The following DHX57 variants were observed in gnomAD, a reference collection of about 807,000 sequenced individuals.
The protein encoded by DHX57 is putative ATP-dependent RNA helicase DHX57.
A neutral mutation model predicts 156.2 loss-of-function variants in DHX57; 105 were observed. The observed-to-expected ratio is 0.67, with a 90% CI of 0.57 to 0.79. The LOEUF (loss-of-function observed/expected upper bound fraction) is 0.79. Ranked by LOEUF, DHX57 falls within the 30% of genes least tolerant of loss-of-function variation. DHX57 has a pLI of 0.00. For synonymous variants in DHX57, 704 were observed against 595.6 expected (o/e 1.18, Z -2.65); for missense variants, 1,847 against 1,661.9 (o/e 1.11, Z -1.94).
At chr2:38,853,476 A>G (rs886644100) in intron 9 of DHX57, 2 of 152,210 alleles carry the variant, frequency 1.3e-5, no homozygotes, top group African/African-American at 4.8e-5. Flanking sequence ...ATCTTTGAGC[A>G]TCTATGGGTC....
At chr2:38,810,817 C>T in intron 21 of DHX57, 4 of 744,240 alleles carry the variant, frequency 5.4e-6, no homozygotes, top group South Asian at 1.3e-5. Flanking sequence ...AAGGATGGTG[C>T]CTGCTGGGGT....
chr2:38,862,176 C>T lies in DHX57; in HGVS notation c.541G>A (p.Val181Ile), dbSNP rs759145881. The T allele has an allele frequency of 9.3e-6, 15 of 1,610,184 alleles. No homozygotes were observed. The African/African-American group carries it at 1.6e-4, about 17-fold the overall frequency. The change falls in exon 4 of 24, where the codon GTC becomes ATC. Residue 181 changes from valine (V) to isoleucine (I), a missense_variant. By Grantham distance (29) the Val-to-Ile change is conservative. Transcript: ENST00000457308. ...AGTTTTTGCACTGCAAATGGGGAGA[C>T]TGTAAATTCTGGAACATAAGGCTCC... ...SVEPYVPEFT[V>I]SPFAVQKLSR...
chr2:38,830,654 C>CT (rs1671333375), intron 13 of DHX57, among the ~76,000 whole-genome samples: 1 of 151,618 alleles, frequency 6.6e-6, no homozygotes, highest in African/African-American at 2.4e-5. Flanking sequence ...AAGAAGGCTA[C>CT]TAGTACCCCT....
intron 2 of DHX57, among the ~76,000 whole-genome samples, chr2:38,866,246 C>A (rs1665064011): frequency 2.0e-5 from 3 of 152,198 alleles, no homozygotes; most frequent in South Asian, 4.1e-4. Context: ...CCATGAAGTC[C>A]TATACAGTCT....
At chr2:38,837,760 G>T in intron 13 of DHX57, 71 bp downstream of exon 13, 1 of 919,442 alleles carries the variant, frequency 1.1e-6, no homozygotes, top group Non-Finnish European at 1.8e-6. Flanking sequence ...AAGCACTCAT[G>T]AATAGACTCC....
chr2:38,855,337 G>C, intron 7 of DHX57, 85 bp from the exon 8 acceptor site: 1 of 1,373,818 alleles, frequency 7.3e-7, no homozygotes, highest in Non-Finnish European at 1.0e-6. Flanking sequence ...TGAGAAAAGT[G>C]ATAAAGCTAA....
chr2:38,845,253 G>T (rs1482778611), intron 11 of DHX57, among the ~76,000 whole-genome samples: 1 of 151,892 alleles, frequency 6.6e-6, no homozygotes, highest in Non-Finnish European at 1.5e-5. Context: ...TGGAAGCAGT[G>T]AGTTTGAAAA....
chr2:38,843,755 T>C (rs1329864428), intron 11 of DHX57, among the ~76,000 whole-genome samples: 3 of 152,242 alleles, frequency 2.0e-5, no homozygotes, highest in African/African-American at 7.2e-5. Flanking sequence ...ACAAAAGCTC[T>C]GGATTTGAGT....
intron 21 of DHX57, chr2:38,811,669 G>A: frequency 8.9e-7 from 1 of 1,127,472 alleles, no homozygotes; most frequent in Non-Finnish European, 1.3e-6. Context: ...TCTGGGATTG[G>A]AGGTGCAATT....
At chr2:38,862,551 C>T (rs564759086) in intron 3 of DHX57, 33 of 371,750 alleles carry the variant, frequency 8.9e-5, no homozygotes, top group Non-Finnish European at 1.4e-4. Flanking sequence ...TATGAACTAA[C>T]TCCTTTAATC....
At chr2:38,846,466 A>T (rs1037938029) in intron 11 of DHX57, among the ~76,000 whole-genome samples, 1 of 151,668 alleles carries the variant, frequency 6.6e-6, no homozygotes, top group African/African-American at 2.4e-5. Context: ...CAAAACCATT[A>T]AAAAAAATTA....
chr2:38,831,614 G>A (rs1671387346), intron 13 of DHX57, among the ~76,000 whole-genome samples: 1 of 151,958 alleles, frequency 6.6e-6, no homozygotes, highest in African/African-American at 2.4e-5. Context: ...CAGCACTTTG[G>A]GAGGCCAAAG....
rs1672896069 is a variant in DHX57 at position 38,856,398 on chromosome 2, C to T, written c.1651G>A (p.Glu551Lys). 6.2e-7 allele frequency: 1 copy of T among 1,613,900 alleles called. No homozygotes were observed. Among genetic ancestry groups the T allele is most frequent in the Non-Finnish European group, 8.5e-7 (1 of 1,179,998 alleles). ...TTACGCAATAAGTTAAGAATGGTTT[C>T]TCTTTCTTCCCAAGCAGGGAGTGAT... ...RQSLPAWEER[E>K]TILNLLRKHQ... Residue 551 changes from glutamate to lysine, a missense_variant, in exon 7 of 24, where the codon GAA becomes AAA. By Grantham distance (56) the Glu-to-Lys change is moderately conservative (BLOSUM62 1). Transcript: ENST00000457308.
intron 16 of DHX57, among the ~76,000 whole-genome samples, chr2:38,824,908 C>T (rs1233936179): frequency 6.6e-6 from 1 of 152,188 alleles, no homozygotes; most frequent in Non-Finnish European, 1.5e-5. Flanking sequence ...CCCAGCCTCC[C>T]AAAGTGCTGG....
Position 38,813,859 on chromosome 2 carries a change from C to T in DHX57, c.3643G>A (p.Ala1215Thr). The T allele has an allele frequency of 6.2e-7, 1 of 1,613,642 alleles. No homozygotes were observed. The highest frequency in any genetic ancestry group is 8.5e-7 in the Non-Finnish European group (1 of 1,179,660). ...GGATACAAAGCAGCACACAGCATTG[C>T]TGATATCAGCTTGGGGTTCTCAGCA... ...SNAENPKLIS[A>T]MLCAALYPNV... The change falls in exon 21 of 24, where the codon GCA becomes ACA. Residue 1215 changes from alanine (A) to threonine (T), a missense_variant. Transcript: ENST00000457308.
In DHX57 at chr2:38,823,184, G is replaced by A. The variant is rs865861806; in HGVS notation, c.3100C>T (p.Arg1034Cys). ...LIEPPHTDSL[R>C]ASKIRLRDLG... ...TCTCGTAATCGTATTTTTGAGGCAC[G>A]AAGAGAATCGGTGTGTGGAGGTTCA... The change falls in exon 17 of 24, where the codon CGT (arginine) becomes TGT (cysteine). Residue 1034 changes from arginine to cysteine, a missense_variant. Arg to Cys is a radical substitution (Grantham distance 180). Coordinates refer to ENST00000457308, the MANE Select transcript of DHX57 (RefSeq NM_198963.3). 11 of 1,614,160 alleles carry A rather than the reference G, an allele frequency of 6.8e-6. No homozygotes were observed. The highest frequency in any genetic ancestry group is 1.1e-5 in the South Asian group (1 of 91,082).
At chr2:38,810,824 G>A in intron 21 of DHX57, 1 of 742,526 alleles carries the variant, frequency 1.3e-6, no homozygotes, top group Non-Finnish European at 2.4e-6. Context: ...GTGCCTGCTG[G>A]GGTCTTGCAG....
At chr2:38,868,527 T>C (rs1665197272) in intron 1 of DHX57, 116 bp from the exon 2 acceptor site, 1 of 1,050,412 alleles carries the variant, frequency 9.5e-7, no homozygotes, top group African/African-American at 1.6e-5. Context: ...AATGCATATG[T>C]AAAAAGAGCT....
Position 38,851,049 on chromosome 2 carries a change from C to T in DHX57, c.2031-2647G>A, listed in dbSNP as rs116474302. On this transcript the variant is annotated intron_variant, in intron 9 of 23. Coordinates refer to ENST00000457308, the MANE Select transcript of DHX57 (RefSeq NM_198963.3). ...CTGAGACTGCACCACTGCACTCCAG[C>T]CTGGATGACAAAGACTTTGTTTCAA... Among the ~76,000 whole-genome samples the T allele has an allele frequency of 6.2e-3, 942 of 152,070 alleles. 11 individuals carry two copies. The highest frequency in any genetic ancestry group is 0.021 in the African/African-American group (885 of 41,464).
Sources: allele counts gnomAD v4.1 joint callset (sites outside exome capture counted in the v4.1 genomes callset), GRCh38; gene constraint gnomAD v4.1.1; transcripts MANE v1.5; gene names NCBI Gene and HGNC (gene_info 2026-07-23, HGNC 2026-07-21).